MGST1: variants seen among roughly 807,000 people sequenced by gnomAD.
The protein encoded by MGST1 is glutathione S-transferase 12.
MGST1 carries 5 observed loss-of-function variants against 8.9 expected under a neutral mutation model. The ratio of observed to expected loss-of-function variants is 0.56; its 90% confidence interval spans 0.29 to 1.19. The LOEUF is 1.19. Among genes scored for constraint, MGST1 ranks in the 50% most tolerant of loss-of-function variants. The pLI, the probability that MGST1 is intolerant of heterozygous loss-of-function variation, is 0.08. For missense variants in MGST1, 182 were observed against 187.4 expected, an observed-to-expected ratio of 0.97 and a Z score of 0.17; for synonymous variants, 54 against 67.8, an observed-to-expected ratio of 0.80 and a Z score of 1.00.
At chr12:16,567,224 A>T (rs1295402444) in intron 4 of MGST1, among the ~76,000 whole-genome samples, 2 of 151,952 alleles carry the variant, frequency 1.3e-5, no homozygotes, top group Non-Finnish European at 2.9e-5. Context: ...AAACAAACAA[A>T]CAAAAAACTA....
chr12:16,468,754 G>A (rs1223886395), intron 4 of MGST1, among the ~76,000 whole-genome samples: 1 of 152,194 alleles, frequency 6.6e-6, no homozygotes, highest in African/African-American at 2.4e-5. Flanking sequence ...TTGTCCCCTA[G>A]TATTTATTCA....
rs1179174245 is a variant in MGST1 at position 16,560,969 on chromosome 12, T to C, written n.483-28559T>C. 6.6e-6 allele frequency among the ~76,000 whole-genome samples: 1 copy of C among 152,114 alleles called. No individual in the cohort carries two copies. The highest frequency in any genetic ancestry group is 1.9e-4 in the East Asian group (1 of 5,190). On this transcript the variant is annotated intron_variant and non_coding_transcript_variant, in intron 4 of 4. Transcript: ENST00000538857. The surrounding 1 kb of genome is among the most constrained non-coding windows in gnomAD (Gnocchi z 5.0). The stretch of plus-strand genomic sequence containing the variant: ...TTTTTGACATTTAGTTACTAAAAGG[T>C]TTGCCATTATTATTAAAAATACATT...
At chr12:16,525,501 C>A (rs1323137202) in intron 4 of MGST1, among the ~76,000 whole-genome samples, 1 of 149,678 alleles carries the variant, frequency 6.7e-6, no homozygotes, top group Non-Finnish European at 1.5e-5. Context: ...GCATAGTATT[C>A]CATGGTGTAT....
chr12:16,532,144 T>A (rs1173533258), intron 4 of MGST1, among the ~76,000 whole-genome samples: 1 of 152,186 alleles, frequency 6.6e-6, no homozygotes, highest in African/African-American at 2.4e-5. Flanking sequence ...CAGGAACTTC[T>A]AGCAGGTGTC....
chr12:16,554,925 G>A (rs538829521), intron 4 of MGST1, among the ~76,000 whole-genome samples: 1 of 152,266 alleles, frequency 6.6e-6, no homozygotes, highest in Admixed American at 6.5e-5. Context: ...GCCTCCCAAA[G>A]TGCTGGGATT....
chr12:16,533,396 C>T (rs1941734150), intron 4 of MGST1, among the ~76,000 whole-genome samples: 1 of 152,150 alleles, frequency 6.6e-6, no homozygotes, highest in Non-Finnish European at 1.5e-5. Flanking sequence ...CTGGGAGGCT[C>T]AGCCAACCAT....
At chr12:16,550,369 G>A (rs1007526430) in intron 4 of MGST1, 6 of 152,362 alleles carry the variant, frequency 3.9e-5, no homozygotes, top group Admixed American at 6.6e-5. Context: ...AAAATTTTAC[G>A]TGATACCCAA....
intron 1 of MGST1, among the ~76,000 whole-genome samples, chr12:16,384,228 C>A (rs905209490): frequency 1.5e-4 from 23 of 152,188 alleles, no homozygotes; most frequent in Non-Finnish European, 3.4e-4. Flanking sequence ...TTAAATGTGC[C>A]CTCCTGCCCC....
chr12:16,466,242 A>AG (rs373307093), intron 4 of MGST1, among the ~76,000 whole-genome samples: 3 of 152,186 alleles, frequency 2.0e-5, no homozygotes, highest in African/African-American at 7.2e-5. Flanking sequence ...TGGCAAGCAT[A>AG]GTGTAACTTT....
chr12:16,515,482 C>A (rs1941606269), intron 4 of MGST1, among the ~76,000 whole-genome samples: 1 of 151,828 alleles, frequency 6.6e-6, no homozygotes, highest in Admixed American at 6.6e-5. Flanking sequence ...ACTAAAAAAT[C>A]AGTCAGGCAT....
intron 4 of MGST1, among the ~76,000 whole-genome samples, chr12:16,521,873 GA>G (rs1941650059): frequency 6.6e-6 from 1 of 152,054 alleles, no homozygotes; most frequent in Non-Finnish European, 1.5e-5. Context: ...CAAGGTGAGT[GA>G]AAACCATTCC....
intron 1 of MGST1, among the ~76,000 whole-genome samples, chr12:16,414,402 T>TTA (rs1940768170): frequency 6.7e-6 from 1 of 149,226 alleles, no homozygotes; most frequent in African/African-American, 2.5e-5. Context: ...TTTATTTTTT[T>TTA]TTTTATTTTT....
At chr12:16,470,353 C>G (rs982438438) in intron 4 of MGST1, among the ~76,000 whole-genome samples, 18 of 152,158 alleles carry the variant, frequency 1.2e-4, no homozygotes, top group Admixed American at 6.5e-5. Flanking sequence ...AGAAAAATCT[C>G]TAGATTCCAA....
At chr12:16,478,323 C>G (rs115975940) in intron 4 of MGST1, among the ~76,000 whole-genome samples, 2 of 152,250 alleles carry the variant, frequency 1.3e-5, no homozygotes, top group Non-Finnish European at 2.9e-5. Flanking sequence ...TCACCACGCC[C>G]GGCCCTTTCT....
At chr12:16,566,088 G>T (rs1942601570) in intron 4 of MGST1, among the ~76,000 whole-genome samples, 2 of 138,454 alleles carry the variant, frequency 1.4e-5, no homozygotes, top group Admixed American at 7.7e-5. Context: ...CCTGTCATTT[G>T]TGACCACCTG....
intron 1 of MGST1, chr12:16,400,015 C>A (rs1273166445): frequency 6.5e-7 from 1 of 1,548,790 alleles, no homozygotes; most frequent in Non-Finnish European, 8.9e-7. Flanking sequence ...TCTGTTAAAT[C>A]CCAAGTCCCT....
At chr12:16,573,466 TATAA>T (rs1255094508) in intron 4 of MGST1, 1 of 152,206 alleles carries the variant, frequency 6.6e-6, no homozygotes, top group Non-Finnish European at 1.5e-5. Flanking sequence ...TGTCCACATG[TATAA>T]ATAAAGTACT....
intron 4 of MGST1, among the ~76,000 whole-genome samples, chr12:16,477,109 T>C (rs1941328852): frequency 6.6e-6 from 1 of 152,242 alleles, no homozygotes; most frequent in Admixed American, 6.5e-5. Context: ...AGAAAGATAC[T>C]ATTCAAATCC....
At chr12:16,399,298 G>C (rs562061905) in intron 1 of MGST1, 98 of 1,606,010 alleles carry the variant, frequency 6.1e-5, no homozygotes, top group Non-Finnish European at 7.8e-5. Flanking sequence ...TTCTTGGGGG[G>C]TGCAGAGCTG....
Sources: allele counts gnomAD v4.1 joint callset (sites outside exome capture counted in the v4.1 genomes callset), GRCh38; gene constraint gnomAD v4.1.1; non-coding constraint Gnocchi (gnomAD v3.1); transcripts MANE v1.5; gene names NCBI Gene and HGNC (gene_info 2026-07-23, HGNC 2026-07-21).